UBR3: variants seen among roughly 807,000 people sequenced by gnomAD.
The protein encoded by UBR3 is E3 ubiquitin-protein ligase UBR3.
In UBR3, 85 loss-of-function variants were observed where a neutral mutation model predicts 243.2. The observed-to-expected ratio is 0.35, with a 90% CI of 0.29 to 0.42. The LOEUF is 0.42. Among genes scored for constraint, UBR3 ranks in the 10% least tolerant of loss-of-function variants. The probability of loss-of-function intolerance (pLI) is 1.00; values close to 1 mark genes in which losing one functional copy is unlikely to be tolerated. For missense variants in UBR3, 1,686 were observed against 2,300.8 expected (o/e 0.73, Z 5.47); for synonymous variants, 748 against 799.8 (o/e 0.94, Z 1.09).
At chr2:170,077,175 G>A (rs2012573) in intron 36 of UBR3, 507,674 of 625,840 alleles carry the variant, frequency 0.81, 208,093 homozygotes, top group Middle Eastern at 0.88. Context: ...AGTAATGGCA[G>A]TTTTTTCAGT....
At chr2:169,845,213 A>G (rs537562603) in intron 1 of UBR3, among the ~76,000 whole-genome samples, 10 of 152,106 alleles carry the variant, frequency 6.6e-5, no homozygotes, top group African/African-American at 2.4e-4. Context: ...ACTTGAGCTC[A>G]GGAGCTGGAG....
At chr2:169,927,512 A>C in intron 17 of UBR3, 107 bp downstream of exon 17, 1 of 843,812 alleles carries the variant, frequency 1.2e-6, no homozygotes. Context: ...CAAAGTTGAA[A>C]AATAATATAG....
intron 30 of UBR3, among the ~76,000 whole-genome samples, chr2:170,025,192 A>G (rs2090496012): frequency 1.3e-5 from 2 of 152,322 alleles, no homozygotes; most frequent in East Asian, 1.9e-4. Context: ...AAATGTAAAG[A>G]CACAATTGTC....
At chr2:169,991,560 A>G (rs1037265625) in intron 25 of UBR3, among the ~76,000 whole-genome samples, 3 of 152,144 alleles carry the variant, frequency 2.0e-5, no homozygotes, top group Non-Finnish European at 4.4e-5. Flanking sequence ...GTATGTGGAA[A>G]TTAAACAACA....
At chr2:169,891,320 C>T in intron 6 of UBR3, 89 bp downstream of exon 6, 1 of 958,824 alleles carries the variant, frequency 1.0e-6, no homozygotes, top group African/African-American at 1.6e-5. Context: ...GCTAGCCATA[C>T]TGACATCAAA....
At chr2:169,888,018 C>T (rs1028893932) in intron 5 of UBR3, among the ~76,000 whole-genome samples, 1 of 151,930 alleles carries the variant, frequency 6.6e-6, no homozygotes, top group African/African-American at 2.4e-5. Flanking sequence ...TCAGGTGATC[C>T]GCCCACCTCT....
At chr2:169,947,854 A>G in intron 22 of UBR3, 139 bp downstream of exon 22, 1 of 1,237,788 alleles carries the variant, frequency 8.1e-7, no homozygotes, top group Non-Finnish European at 1.0e-6. Flanking sequence ...ATTTCCTCTG[A>G]TATATCTATG....
At chr2:169,841,450 GC>G (rs922308863) in intron 1 of UBR3, among the ~76,000 whole-genome samples, 16 of 152,242 alleles carry the variant, frequency 1.1e-4, no homozygotes, top group Middle Eastern at 3.4e-3. Flanking sequence ...GAGCCCTTTA[GC>G]CCCCCCACTG....
chr2:169,978,133 G>A (rs1479422440), intron 24 of UBR3, among the ~76,000 whole-genome samples: 2 of 152,170 alleles, frequency 1.3e-5, no homozygotes, highest in African/African-American at 4.8e-5. Flanking sequence ...TGGTGACATA[G>A]GCTGTTAATG....
intron 32 of UBR3, among the ~76,000 whole-genome samples, chr2:170,047,118 C>T (rs560102502): frequency 6.6e-6 from 1 of 152,170 alleles, no homozygotes; most frequent in African/African-American, 2.4e-5. Context: ...CCTCAGACTC[C>T]CCATGTAGTT....
intron 20 of UBR3, among the ~76,000 whole-genome samples, chr2:169,945,144 GTTT>G (rs892143523): frequency 7.0e-6 from 1 of 142,492 alleles, no homozygotes; most frequent in African/African-American, 2.6e-5. Context: ...CTTTCTTTTA[GTTT>G]TTTTTTTTTT....
chr2:169,990,389 T>A (rs1048663649), intron 25 of UBR3, among the ~76,000 whole-genome samples: 2 of 152,134 alleles, frequency 1.3e-5, no homozygotes, highest in Non-Finnish European at 2.9e-5. Flanking sequence ...TCTTTTCATT[T>A]TACTAAACCC....
At chr2:170,059,409 A>G (rs940046135) in intron 33 of UBR3, among the ~76,000 whole-genome samples, 5 of 152,240 alleles carry the variant, frequency 3.3e-5, no homozygotes, top group African/African-American at 9.6e-5. Flanking sequence ...TTGTACATTT[A>G]GAGAAACTTA....
At chr2:170,015,824 T>C (rs2090219874) in intron 30 of UBR3, among the ~76,000 whole-genome samples, 1 of 151,926 alleles carries the variant, frequency 6.6e-6, no homozygotes, top group African/African-American at 2.4e-5. Context: ...ATATATACTT[T>C]ATGTTATAAA....
chr2:169,876,817 G>A (rs1321966485), intron 3 of UBR3, among the ~76,000 whole-genome samples: 1 of 152,080 alleles, frequency 6.6e-6, no homozygotes, highest in African/African-American at 2.4e-5. Flanking sequence ...GCCAGCCTTG[G>A]CCTCCTAAAG....
intron 26 of UBR3, among the ~76,000 whole-genome samples, chr2:169,999,895 G>A (rs775367257): frequency 3.3e-4 from 50 of 152,204 alleles, no homozygotes; most frequent in African/African-American, 1.2e-3. Flanking sequence ...AGGCCGAGAC[G>A]GGTGGATCAC....
chr2:169,956,161 CTG>C lies in UBR3; in HGVS notation c.3546-2275_3546-2274del, dbSNP rs544178151. Among the ~76,000 whole-genome samples the C allele has an allele frequency of 5.5e-3, 837 of 152,118 alleles. 6 individuals are homozygous for C. Among genetic ancestry groups the C allele is most frequent in the African/African-American group, 0.019 (779 of 41,496 alleles). On this transcript the variant is annotated intron_variant, in intron 23 of 38. Coordinates refer to ENST00000272793, the MANE Select transcript of UBR3 (RefSeq NM_172070.4). ...CTCTTTCTCAGTTTCCAGAGTAACT[CTG>C]TAACTCTCTACTTCTGCAGTGAGAT...
chr2:169,830,377 G>A (rs1441895771), intron 1 of UBR3, among the ~76,000 whole-genome samples: 1 of 152,026 alleles, frequency 6.6e-6, no homozygotes, highest in Non-Finnish European at 1.5e-5. Flanking sequence ...GTAAAATTTT[G>A]GACTTTTATC....
At position 169,887,965 on chromosome 2, in the gene UBR3, G is replaced by A. The variant is rs191601461; in HGVS notation, c.1039-3200G>A. Among the ~76,000 whole-genome samples, 580 of 151,200 alleles carry A rather than the reference G, an allele frequency of 3.8e-3. 4 individuals carry two copies. Among genetic ancestry groups the A allele is most frequent in the African/African-American group, 0.013 (552 of 41,262 alleles). ...CTAATTTTGTATTTTTAGTAGAGAT[G>A]GGGTTTCTCCATGTTGGTCAGGCTG... On this transcript the variant is annotated intron_variant, in intron 5 of 38. Transcript: ENST00000272793.
Sources: allele counts gnomAD v4.1 joint callset (sites outside exome capture counted in the v4.1 genomes callset), GRCh38; gene constraint gnomAD v4.1.1; transcripts MANE v1.5; gene names NCBI Gene and HGNC (gene_info 2026-07-23, HGNC 2026-07-21).